Variants in PVT1 observed in about 807,000 individuals in gnomAD.
PVT1 encodes CXCR4/PVT1 fusion.
At chr8:127,838,064 A>G (rs904940011) in intron 2 of PVT1, among the ~76,000 whole-genome samples, 2 of 151,580 alleles carry the variant, frequency 1.3e-5, no homozygotes, top group Non-Finnish European at 1.5e-5. Flanking sequence ...TGCCCGGCTA[A>G]TTTTGTATTT....
At chr8:127,845,055 T>G (rs1248331658) in intron 2 of PVT1, among the ~76,000 whole-genome samples, 1 of 152,170 alleles carries the variant, frequency 6.6e-6, no homozygotes, top group Non-Finnish European at 1.5e-5. Context: ...GGACAGCGCC[T>G]GGAACCTAGC....
intron 2 of PVT1, among the ~76,000 whole-genome samples, chr8:127,839,589 A>T (rs1316816731): frequency 4.0e-5 from 6 of 151,094 alleles, no homozygotes; most frequent in African/African-American, 1.4e-4. Flanking sequence ...AAAAAATAAA[A>T]AAAAATAAAT....
At chr8:127,895,392 A>C (rs138866242) in intron 3 of PVT1, among the ~76,000 whole-genome samples, 2,069 of 152,244 alleles carry the variant, frequency 0.014, 37 homozygotes, top group African/African-American at 0.048. Flanking sequence ...AATCATTTGA[A>C]TCTGGGAGGC....
At chr8:127,978,158 CTTTTT>C (rs11343602) in intron 3 of PVT1, among the ~76,000 whole-genome samples, 5 of 151,304 alleles carry the variant, frequency 3.3e-5, no homozygotes, top group Non-Finnish European at 7.4e-5. Context: ...TTCTCTTTCT[CTTTTT>C]TTTTAAGAGA....
intron 3 of PVT1, among the ~76,000 whole-genome samples, chr8:127,987,016 G>A (rs1035500507): frequency 3.9e-5 from 6 of 152,118 alleles, no homozygotes; most frequent in African/African-American, 1.2e-4. Context: ...TTGTCTCTTG[G>A]TGTCAGGCAG....
intron 4 of PVT1, among the ~76,000 whole-genome samples, chr8:128,015,095 T>TTTATTTA (rs1817357824): frequency 8.2e-6 from 1 of 121,830 alleles, no homozygotes; most frequent in African/African-American, 2.8e-5. Context: ...TTATTTATTA[T>TTTATTTA]TTATTTATTT....
intron 4 of PVT1, among the ~76,000 whole-genome samples, chr8:128,020,029 C>T (rs897194121): frequency 9.3e-5 from 14 of 150,228 alleles, no homozygotes; most frequent in Admixed American, 6.7e-4. Context: ...TCCTGATTTT[C>T]GTCTTTTCCA....
At chr8:127,812,103 C>T (rs531261607) in intron 2 of PVT1, among the ~76,000 whole-genome samples, 4 of 137,842 alleles carry the variant, frequency 2.9e-5, no homozygotes, top group Non-Finnish European at 6.1e-5. Context: ...GGTGAGACAT[C>T]GTCTCAAAAG....
At chr8:127,797,891 G>GAGGTTAAAAATATCCTCCC (rs1814415698) in intron 2 of PVT1, among the ~76,000 whole-genome samples, 1 of 152,190 alleles carries the variant, frequency 6.6e-6, no homozygotes, top group African/African-American at 2.4e-5. Flanking sequence ...ACAGCCCAGA[G>GAGGTTAAAAATATCCTCCC]AGGTTAAAAA....
intron 3 of PVT1, among the ~76,000 whole-genome samples, chr8:127,968,961 G>A (rs530533788): frequency 6.6e-6 from 1 of 152,254 alleles, no homozygotes; most frequent in South Asian, 2.1e-4. Flanking sequence ...AGACAGCACG[G>A]CCCTGCTGTC....
chr8:128,066,257 C>T (rs1352655084), intron 4 of PVT1, among the ~76,000 whole-genome samples: 1 of 152,122 alleles, frequency 6.6e-6, no homozygotes, highest in Non-Finnish European at 1.5e-5. Flanking sequence ...GAGTAGTGAG[C>T]AGAATTGACA....
At chr8:127,860,555 G>A (rs4313120) in intron 2 of PVT1, among the ~76,000 whole-genome samples, 5,232 of 151,986 alleles carry the variant, frequency 0.034, 314 homozygotes, top group African/African-American at 0.12. Context: ...ACAAGGTCAG[G>A]AGTTCAAGAC....
intron 3 of PVT1, among the ~76,000 whole-genome samples, chr8:127,893,849 G>A (rs1254570800): frequency 6.6e-6 from 1 of 152,232 alleles, no homozygotes; most frequent in African/African-American, 2.4e-5. Context: ...TGTATACGAG[G>A]ATGTAGCTGG....
At chr8:127,826,014 C>CTTTTTTTT (rs57575268) in intron 2 of PVT1, among the ~76,000 whole-genome samples, 16 of 89,670 alleles carry the variant, frequency 1.8e-4, no homozygotes, top group African/African-American at 2.3e-4. Flanking sequence ...CCATGCCCAG[C>CTTTTTTTT]TTTTTTTTTT....
intron 4 of PVT1, among the ~76,000 whole-genome samples, chr8:128,051,897 T>C (rs1813702747): frequency 6.6e-6 from 1 of 152,266 alleles, no homozygotes; most frequent in Non-Finnish European, 1.5e-5. Flanking sequence ...GACAATTATT[T>C]TGAATTCTTT....
chr8:128,042,900 A>T (rs998042487), intron 4 of PVT1, among the ~76,000 whole-genome samples: 3 of 152,046 alleles, frequency 2.0e-5, no homozygotes, highest in African/African-American at 7.2e-5. Flanking sequence ...AGTAGCTGGG[A>T]TTACAGGCTT....
intron 4 of PVT1, among the ~76,000 whole-genome samples, chr8:128,060,053 G>A (rs1813811972): frequency 1.3e-5 from 2 of 152,086 alleles, no homozygotes; most frequent in Admixed American, 6.6e-5. Context: ...TCAGGAGATC[G>A]AGACCATCCT....
At chr8:127,803,305 AT>A (rs751336925) in intron 2 of PVT1, 2 of 150,920 alleles carry the variant, frequency 1.3e-5, no homozygotes, top group Non-Finnish European at 3.0e-5. Flanking sequence ...AAGTTTTTGT[AT>A]TTTTAGTAGA....
intron 2 of PVT1, among the ~76,000 whole-genome samples, chr8:127,823,582 A>G (rs1814756300): frequency 6.6e-6 from 1 of 151,966 alleles, no homozygotes. Context: ...TTGTCTGTTG[A>G]CTTAGACTTC....
Sources: allele counts gnomAD v4.1 joint callset (sites outside exome capture counted in the v4.1 genomes callset), GRCh38; gene constraint gnomAD v4.1.1; transcripts MANE v1.5; gene names NCBI Gene and HGNC (gene_info 2026-07-23, HGNC 2026-07-21).